ELAC2: variants seen among roughly 807,000 people sequenced by gnomAD.
The protein encoded by ELAC2 is zinc phosphodiesterase ELAC protein 2.
In ELAC2, 92 loss-of-function variants were observed where a neutral mutation model predicts 105.2. That is an observed-to-expected ratio of 0.87 (90% CI 0.74 to 1.04). The LOEUF (loss-of-function observed/expected upper bound fraction) is 1.04, where lower values mean the gene tolerates loss of function less well. Among genes scored for constraint, ELAC2 ranks in the 50% least tolerant of loss-of-function variants. ELAC2 has a pLI of 0.00. For synonymous variants in ELAC2, 468 were observed against 409.1 expected, an observed-to-expected ratio of 1.14 and a Z score of -1.74; for missense variants, 1,099 against 1,071.7, an observed-to-expected ratio of 1.03 and a Z score of -0.36.
rs756667048 is a variant in ELAC2, at chr17:13,017,109, G to A, written c.258C>T (p.Asn86=). ...TGAGTCTCTGAACGCCTTCTCCACA[G>A]TTGAAGAGATACCTACAAGACAAAC... ...VFSEFNRYLF[N]CGEGVQRLMQ... is the part of the protein sequence containing the mutation. Residue 86 remains asparagine, a synonymous_variant, in exon 2 of 24, where the codon AAC becomes AAT. Coordinates refer to ENST00000338034, the MANE Select transcript of ELAC2 (RefSeq NM_018127.7). 6.2e-7 allele frequency: 1 copy of A among 1,613,542 alleles called. No individual in the cohort carries two copies. The highest frequency in any genetic ancestry group is 8.5e-7 in the Non-Finnish European group (1 of 1,179,892).
At chr17:13,010,735 G>C (rs2143656206) in intron 7 of ELAC2, 64 bp from the exon 8 acceptor site, 2 of 1,420,116 alleles carry the variant, frequency 1.4e-6, no homozygotes, top group South Asian at 1.1e-5. Flanking sequence ...ATCACAGACT[G>C]ATTATGACCC....
At chr17:13,017,243 C>T in intron 1 of ELAC2, 122 bp from the exon 2 acceptor site, 2 of 1,072,412 alleles carry the variant, frequency 1.9e-6, no homozygotes, top group Non-Finnish European at 1.4e-6. Flanking sequence ...TAAAAGTCCA[C>T]GTTGGACTAC....
At chr17:13,017,208 G>GT in intron 1 of ELAC2, 87 bp from the exon 2 acceptor site, 20 of 1,221,260 alleles carry the variant, frequency 1.6e-5, no homozygotes, top group Non-Finnish European at 2.1e-5. Context: ...TGTAGACTCT[G>GT]GAAAAAAAAA....
At chr17:12,994,276 G>T (rs2040352501) in intron 22 of ELAC2, 149 bp downstream of exon 22, 3 of 923,864 alleles carry the variant, frequency 3.2e-6, no homozygotes, top group Admixed American at 3.4e-5. Flanking sequence ...AAGAGCCTGT[G>T]AGCACTGCCA....
chr17:12,998,147 C>T (rs2040566842), intron 16 of ELAC2, among the ~76,000 whole-genome samples: 1 of 152,176 alleles, frequency 6.6e-6, no homozygotes, highest in Non-Finnish European at 1.5e-5. Context: ...GAGCTAATTT[C>T]TTAGCTAGGT....
intron 15 of ELAC2, among the ~76,000 whole-genome samples, chr17:12,999,311 A>C (rs1280497754): frequency 6.6e-6 from 1 of 152,226 alleles, no homozygotes; most frequent in African/African-American, 2.4e-5. Context: ...CTTCGGTCGC[A>C]TCCTCCCAGC....
Position 13,002,485 on chromosome 17 carries a change from T to A in ELAC2, c.1174A>T (p.Ile392Phe). 1 of 1,608,504 alleles carries A rather than the reference T, an allele frequency of 6.2e-7. No individual in the cohort carries two copies. The highest frequency in any genetic ancestry group is 8.5e-7 in the Non-Finnish European group (1 of 1,177,104). The change falls in exon 13 of 24, where the codon ATC becomes TTC. Residue 392 changes from isoleucine to phenylalanine, a missense_variant. Coordinates refer to ENST00000338034, the MANE Select transcript of ELAC2 (RefSeq NM_018127.7). ...SHKIQTQLNL[I>F]HPDIFPLLTS... ...AGCAGGGGGAAGATGTCCGGGTGGATGAGGTTGAGCTGGGTTTGAATCTTG... is the reference window on the plus strand; with the variant it reads ...AGCAGGGGGAAGATGTCCGGGTGGAAGAGGTTGAGCTGGGTTTGAATCTTG...
rs397515463 is a variant in ELAC2, at chr17:12,996,647, G to A, written c.1559C>T (p.Thr520Ile). The A allele has an allele frequency of 6.2e-7, 1 of 1,613,912 alleles. No homozygotes were observed. Among genetic ancestry groups the A allele is most frequent in the Non-Finnish European group, 8.5e-7 (1 of 1,179,978 alleles). ...GTAATGACGGCACAGCTGCCCAAAT[G>A]TGCCCTCACCACAGTCCAGTAGCAG... ...TSLLLDCGEGTFGQLCRHYGD... is the reference protein window; with the variant it reads ...TSLLLDCGEGIFGQLCRHYGD... Residue 520 changes from threonine (T) to isoleucine (I), a missense_variant, in exon 17 of 24, where the codon ACA becomes ATA. Thr to Ile is a moderately conservative substitution (Grantham distance 89, BLOSUM62 -1). Transcript: ENST00000338034.
chr17:12,998,611 C>T, intron 15 of ELAC2, 103 bp from the exon 16 acceptor site: 1 of 1,122,468 alleles, frequency 8.9e-7, no homozygotes. Flanking sequence ...TGGTTTGTCC[C>T]CAGACCTCAT....
At position 12,993,565 on chromosome 17, in the gene ELAC2, T is replaced by A. The variant is rs536230501; in HGVS notation, c.2253+122A>T. ...TTCGACCTGGTTAGTGATGGGTAGATAACCTTTTCCCACGGTGGCCCCAAA... is the reference window on the plus strand; with the variant it reads ...TTCGACCTGGTTAGTGATGGGTAGAAAACCTTTTCCCACGGTGGCCCCAAA... On this transcript the variant is annotated intron_variant, in intron 23 of 23. Transcript: ENST00000338034. The A allele has an allele frequency of 3.6e-4, 524 of 1,469,354 alleles. 3 individuals are homozygous for A. Among genetic ancestry groups the A allele is most frequent in the South Asian group, 1.3e-3 (108 of 81,768 alleles). 91.0% of individuals were successfully genotyped at this position (1,469,354 alleles called of 1,614,324 possible). A position where few individuals can be genotyped will look rare whatever the true frequency, so the allele number is the denominator to read the frequency against.
chr17:13,003,194 T>G (rs573320647), intron 12 of ELAC2, among the ~76,000 whole-genome samples: 3 of 152,214 alleles, frequency 2.0e-5, no homozygotes, highest in African/African-American at 7.2e-5. Context: ...AATTCACTTA[T>G]GGAATCCTCA....
At chr17:13,013,059 A>G (rs576826292) in intron 6 of ELAC2, 148 bp downstream of exon 6, 9 of 859,668 alleles carry the variant, frequency 1.0e-5, no homozygotes, top group East Asian at 5.3e-5. Context: ...GGCAGGAGCC[A>G]TATCTTCATT....
At chr17:13,017,636 G>A (rs1396632932) in intron 1 of ELAC2, 67 bp downstream of exon 1, 7 of 1,609,518 alleles carry the variant, frequency 4.3e-6, no homozygotes, top group East Asian at 4.5e-5. Context: ...CCTGGGAGGT[G>A]CCCCGATGCT....
At position 13,010,707 on chromosome 17, in the gene ELAC2, T is replaced by C. The variant is rs2302069; in HGVS notation, c.680-36A>G. 0.13 allele frequency: 205,941 copies of C among 1,591,530 alleles called. 14,343 individuals are homozygous for C. Among genetic ancestry groups the C allele is most frequent in the Admixed American group, 0.15 (8,855 of 59,960 alleles). ...ACACACTTGATTATCACAAGGTAAATGTGAAAGCTGTGAAGACATCACAGA... is the reference window on the plus strand; with the variant it reads ...ACACACTTGATTATCACAAGGTAAACGTGAAAGCTGTGAAGACATCACAGA... On this transcript the variant is annotated intron_variant, in intron 7 of 23. Coordinates refer to ENST00000338034, the MANE Select transcript of ELAC2 (RefSeq NM_018127.7).
Position 12,994,902 on chromosome 17 carries a change from G to T in ELAC2, c.1909-18C>A. Reference sequence around the variant, plus strand: ...GTCTGAAACTGAAAGGGTGGGGCTGGAGGGCTCTGCAGCTCTGCTCCCCAC... The same window carrying T: ...GTCTGAAACTGAAAGGGTGGGGCTGTAGGGCTCTGCAGCTCTGCTCCCCAC... On this transcript the variant is annotated intron_variant, in intron 20 of 23. Coordinates refer to ENST00000338034, the MANE Select transcript of ELAC2 (RefSeq NM_018127.7). The T allele has an allele frequency of 6.2e-7, 1 of 1,614,110 alleles. No homozygotes were observed. Among genetic ancestry groups the T allele is most frequent in the Admixed American group, 1.7e-5 (1 of 60,020 alleles).
Position 12,996,631 on chromosome 17 carries a change from G to A in ELAC2, c.1575C>T (p.Cys525=), listed in dbSNP as rs140487151. 4.3e-5 allele frequency: 69 copies of A among 1,614,006 alleles called. No homozygotes were observed. In the African/African-American group the frequency reaches 4.8e-4, roughly 11 times the overall value. Residue 525 remains cysteine, a synonymous_variant, in exon 17 of 24, where the codon TGC becomes TGT. Transcript: ENST00000338034. ...TGTCCACCTGGTCTCCGTAATGACG[G>A]CACAGCTGCCCAAATGTGCCCTCAC... ...DCGEGTFGQL[C]RHYGDQVDRV...
rs998388822 is a variant in ELAC2 at position 13,017,600 on chromosome 17, CAT to C, written c.245+101_245+102del. On this transcript the variant is annotated intron_variant, in intron 1 of 23. Transcript: ENST00000338034. ...CACGAACCCCCGCAACAGTGAACCACATGTGTGAAGCAGGGAAGCCGAAGCCC... is the reference window on the plus strand; with the variant it reads ...CACGAACCCCCGCAACAGTGAACCACGTGTGAAGCAGGGAAGCCGAAGCCC... 1.5e-5 allele frequency: 24 copies of C among 1,579,398 alleles called. 1 individual carries two copies. Among genetic ancestry groups the C allele is most frequent in the East Asian group, 1.1e-4 (5 of 44,126 alleles).
chr17:13,014,035 A>G (rs7211210), intron 5 of ELAC2, among the ~76,000 whole-genome samples: 41,723 of 152,010 alleles, frequency 0.27, 5,915 homozygotes, highest in Middle Eastern at 0.33. Context: ...ATCTCCAGCC[A>G]CATGGTAGCT....
chr17:13,014,670 G>A (rs897024342), intron 4 of ELAC2, among the ~76,000 whole-genome samples, 174 bp from the exon 5 acceptor site: 12 of 152,132 alleles, frequency 7.9e-5, no homozygotes, highest in Non-Finnish European at 1.5e-4. Flanking sequence ...AGATGCCAAG[G>A]ATATAGCAGG....
Sources: allele counts gnomAD v4.1 joint callset (sites outside exome capture counted in the v4.1 genomes callset), GRCh38; gene constraint gnomAD v4.1.1; transcripts MANE v1.5; gene names NCBI Gene and HGNC (gene_info 2026-07-23, HGNC 2026-07-21).